Variants in AATF observed in about 807,000 individuals in gnomAD.
AATF encodes the protein protein AATF.
In AATF, 48 loss-of-function variants were observed where a neutral mutation model predicts 63.7. The ratio of observed to expected loss-of-function variants is 0.75; its 90% CI spans 0.60 to 0.96. The LOEUF (loss-of-function observed/expected upper bound fraction) is 0.96, where lower values mean the gene tolerates loss of function less well. Ranked by LOEUF, AATF falls within the 40% of genes least tolerant of loss-of-function variation. The pLI, the probability that AATF is intolerant of heterozygous loss-of-function variation, is 0.00. For missense variants in AATF, 639 were observed against 685.7 expected (o/e 0.93, Z 0.76); for synonymous variants, 258 against 247.7 (o/e 1.04, Z -0.39).
At chr17:36,973,135 C>G (rs2071052736) in intron 4 of AATF, among the ~76,000 whole-genome samples, 1 of 151,826 alleles carries the variant, frequency 6.6e-6, no homozygotes, top group Non-Finnish European at 1.5e-5. Flanking sequence ...TTCTTTTTTC[C>G]TTTCTTTTTG....
At chr17:36,975,566 C>G (rs2071073596) in intron 4 of AATF, among the ~76,000 whole-genome samples, 2 of 152,180 alleles carry the variant, frequency 1.3e-5, no homozygotes, top group African/African-American at 4.8e-5. Flanking sequence ...AAGTAGTCCC[C>G]TATAAATGGA....
intron 4 of AATF, among the ~76,000 whole-genome samples, chr17:36,961,723 G>A (rs2070948839): frequency 6.6e-6 from 1 of 151,952 alleles, no homozygotes; most frequent in Non-Finnish European, 1.5e-5. Context: ...GCCCAGGCTG[G>A]AGTGCAATGG....
At chr17:37,015,292 ATTTG>A (rs1319668875) in intron 8 of AATF, among the ~76,000 whole-genome samples, 1 of 152,132 alleles carries the variant, frequency 6.6e-6, no homozygotes, top group Non-Finnish European at 1.5e-5. Flanking sequence ...CTATATATCT[ATTTG>A]TTTGTGCTGC....
intron 10 of AATF, among the ~76,000 whole-genome samples, chr17:37,029,458 G>A (rs1278156533): frequency 2.6e-5 from 4 of 152,086 alleles, no homozygotes; most frequent in Admixed American, 1.3e-4. Flanking sequence ...TAGCAGGCCA[G>A]GCTGGTCTTA....
At chr17:37,002,438 C>T (rs1034682868) in intron 8 of AATF, among the ~76,000 whole-genome samples, 21 of 151,296 alleles carry the variant, frequency 1.4e-4, no homozygotes, top group African/African-American at 3.2e-4. Flanking sequence ...GAGGCCAAGG[C>T]GGGCAGATCA....
chr17:36,949,847 C>T (rs1043203454), intron 1 of AATF, among the ~76,000 whole-genome samples: 2 of 152,168 alleles, frequency 1.3e-5, no homozygotes, highest in African/African-American at 4.8e-5. Context: ...GTTGAAGAAA[C>T]TCGGGACTGT....
chr17:37,021,260 G>A, intron 10 of AATF: 1 of 384,626 alleles, frequency 2.6e-6, no homozygotes, highest in Non-Finnish European at 4.6e-6. Flanking sequence ...TCCCTTGAAA[G>A]AGAAAAAATA....
At chr17:36,970,583 T>C (rs2142224318) in intron 4 of AATF, among the ~76,000 whole-genome samples, 1 of 150,908 alleles carries the variant, frequency 6.6e-6, no homozygotes, top group East Asian at 1.9e-4. Flanking sequence ...TCCTCTTTTG[T>C]GGAGGCTGAA....
chr17:36,964,612 C>T (rs1344213781), intron 4 of AATF, among the ~76,000 whole-genome samples: 1 of 152,152 alleles, frequency 6.6e-6, no homozygotes, highest in Non-Finnish European at 1.5e-5. Flanking sequence ...GTTTTCTTCC[C>T]TGTTTTTTCA....
At chr17:36,981,883 T>G (rs1265841982) in intron 4 of AATF, among the ~76,000 whole-genome samples, 1 of 152,060 alleles carries the variant, frequency 6.6e-6, no homozygotes, top group Non-Finnish European at 1.5e-5. Flanking sequence ...TTTACTATCC[T>G]AACCATTTTT....
chr17:36,998,837 G>C (rs2142260752), intron 8 of AATF: 1 of 152,302 alleles, frequency 6.6e-6, no homozygotes, highest in South Asian at 2.1e-4. Context: ...TATCTATGCA[G>C]TCACAAAATT....
At chr17:37,008,818 A>G (rs997284047) in intron 8 of AATF, among the ~76,000 whole-genome samples, 1 of 152,236 alleles carries the variant, frequency 6.6e-6, no homozygotes, top group African/African-American at 2.4e-5. Context: ...ACTGCACTCC[A>G]GTGTGAGCGA....
chr17:36,987,212 A>G, intron 5 of AATF, among the ~76,000 whole-genome samples: 1 of 151,202 alleles, frequency 6.6e-6, no homozygotes, highest in Non-Finnish European at 1.5e-5. Flanking sequence ...TCTGGTCTCA[A>G]ACTCCTGGGC....
intron 5 of AATF, among the ~76,000 whole-genome samples, chr17:36,987,330 T>A (rs183643487): frequency 6.6e-6 from 1 of 152,294 alleles, no homozygotes; most frequent in East Asian, 1.9e-4. Context: ...AATTAATGTT[T>A]ATGAAACATT....
chr17:37,023,671 A>C (rs188660027), intron 10 of AATF, among the ~76,000 whole-genome samples: 4 of 151,026 alleles, frequency 2.6e-5, no homozygotes, highest in Non-Finnish European at 5.9e-5. Context: ...AAAAAGAGGC[A>C]TTCTTTTTAA....
chr17:36,980,306 T>C (rs968071326), intron 4 of AATF: 4 of 152,230 alleles, frequency 2.6e-5, no homozygotes, highest in African/African-American at 9.6e-5. Context: ...GGTGGCCAGA[T>C]GCTAAGGTTG....
intron 10 of AATF, among the ~76,000 whole-genome samples, chr17:37,029,881 T>G (rs1336381872): frequency 6.6e-6 from 1 of 152,052 alleles, no homozygotes; most frequent in Non-Finnish European, 1.5e-5. Flanking sequence ...GTTTTTACTT[T>G]TTGTAGAGAC....
chr17:37,002,215 A>AG (rs1440687754), intron 8 of AATF, among the ~76,000 whole-genome samples: 7 of 151,782 alleles, frequency 4.6e-5, no homozygotes, highest in Admixed American at 4.6e-4. Context: ...AAAAAAAAAA[A>AG]AAAAAATACT....
chr17:36,965,274 T>C lies in AATF; in HGVS notation c.832+11367T>C, dbSNP rs183649633. On this transcript the variant is annotated intron_variant, in intron 4 of 11. Transcript: ENST00000619387. ...CTGGAGGCTCTAGGGGAGAAATCTG[T>C]TTGCTTGCCTTTTCCAGCTTTTATA... Among the ~76,000 whole-genome samples the C allele has an allele frequency of 2.5e-3, 387 of 152,234 alleles. 1 individual carries two copies. The highest frequency in any genetic ancestry group is 8.7e-3 in the African/African-American group (360 of 41,526).
Sources: allele counts gnomAD v4.1 joint callset (sites outside exome capture counted in the v4.1 genomes callset), GRCh38; gene constraint gnomAD v4.1.1; transcripts MANE v1.5; gene names NCBI Gene and HGNC (gene_info 2026-07-23, HGNC 2026-07-21).